RNF150: variants seen among roughly 807,000 people sequenced by gnomAD.
RNF150 encodes ring finger protein 150.
A neutral mutation model predicts 39.3 loss-of-function variants in RNF150; 24 were observed. The ratio of observed to expected loss-of-function variants is 0.61; its 90% CI spans 0.44 to 0.86. RNF150 has a LOEUF of 0.86. Ranked by LOEUF, RNF150 falls within the 40% of genes least tolerant of loss-of-function variation. The pLI, the probability that RNF150 is intolerant of heterozygous loss-of-function variation, is 0.00. For missense variants in RNF150, 502 were observed against 587.8 expected, an observed-to-expected ratio of 0.85 and a Z score of 1.51; for synonymous variants, 255 against 227.3, an observed-to-expected ratio of 1.12 and a Z score of -1.10.
chr4:141,012,477 AATAC>A (rs1735107567), intron 1 of RNF150, among the ~76,000 whole-genome samples: 1 of 152,178 alleles, frequency 6.6e-6, no homozygotes, highest in Non-Finnish European at 1.5e-5. Context: ...AAAAATGGAG[AATAC>A]ATAAACACAT....
At chr4:141,066,038 T>C (rs1052478801) in intron 1 of RNF150, among the ~76,000 whole-genome samples, 1 of 152,060 alleles carries the variant, frequency 6.6e-6, no homozygotes, top group Non-Finnish European at 1.5e-5. Context: ...GGACCTTTCA[T>C]TCTACTTGTC....
At chr4:141,135,609 C>A (rs923160259), upstream of RNF150, among the ~76,000 whole-genome samples, 1 of 152,156 alleles carries the variant, frequency 6.6e-6, no homozygotes, top group Admixed American at 6.5e-5. Context: ...TAGGGAGGAA[C>A]AGCTCTTCCT....
rs539871322 is a variant in RNF150 at position 141,166,232 on chromosome 4, C to T, written c.-6+46562G>A. 3.3e-5 allele frequency among the ~76,000 whole-genome samples: 5 copies of T among 152,246 alleles called. No individual in the cohort carries two copies. In the South Asian group the frequency reaches 6.2e-4, roughly 19 times the overall value. On this transcript the variant is annotated intron_variant, in intron 1 of 7. Transcript: ENST00000420921. ...GGATAAATTCCTGGCCACATACACC[C>T]TCTCAAGACTAAACCAGGGAGAAGT...
chr4:140,992,932 G>A (rs943866815), intron 1 of RNF150, among the ~76,000 whole-genome samples: 3 of 152,160 alleles, frequency 2.0e-5, no homozygotes, highest in Middle Eastern at 6.8e-3. Flanking sequence ...GGAGGCACCC[G>A]AGAGCAGAGC....
intron 1 of RNF150, among the ~76,000 whole-genome samples, chr4:141,005,967 G>T (rs1734852171): frequency 6.9e-6 from 1 of 145,254 alleles, no homozygotes; most frequent in African/African-American, 2.6e-5. Flanking sequence ...TACTTGGGAG[G>T]CTGAGGCAGG....
At chr4:140,883,429 G>A (rs551464195) in intron 6 of RNF150, among the ~76,000 whole-genome samples, 3 of 152,246 alleles carry the variant, frequency 2.0e-5, no homozygotes, top group South Asian at 4.1e-4. Context: ...TCAACTTAAA[G>A]AACTCACTTT....
At chr4:141,045,874 C>T (rs1736556063) in intron 1 of RNF150, among the ~76,000 whole-genome samples, 1 of 152,158 alleles carries the variant, frequency 6.6e-6, no homozygotes, top group Non-Finnish European at 1.5e-5. Context: ...TTATTCTAAA[C>T]ACTTTTAGAC....
At chr4:141,154,469 A>T (rs28461635) in intron 1 of RNF150, among the ~76,000 whole-genome samples, 2,666 of 152,260 alleles carry the variant, frequency 0.018, 71 homozygotes, top group African/African-American at 0.059. Flanking sequence ...TAATGACTCT[A>T]TTTGGATCAG....
At chr4:141,142,812 CTT>C (rs999337687) in intron 1 of RNF150, among the ~76,000 whole-genome samples, 1 of 151,618 alleles carries the variant, frequency 6.6e-6, no homozygotes, top group Non-Finnish European at 1.5e-5. Context: ...GCTGTGGTCT[CTT>C]ATCTTCATTT....
chr4:141,164,360 A>AC lies in RNF150; in HGVS notation c.-6+48433dup, dbSNP rs1326488033. ...TATGGAAAGTGACAGTCAGAATAGA[A>AC]CCAAATTAGAAAACACTCATCAGGA... On this transcript the variant is annotated intron_variant, in intron 1 of 7. Transcript: ENST00000420921. Among the ~76,000 whole-genome samples the AC allele has an allele frequency of 2.7e-3, 404 of 152,296 alleles. 1 individual carries two copies. The highest frequency in any genetic ancestry group is 9.2e-3 in the African/African-American group (382 of 41,570).
intron 1 of RNF150, among the ~76,000 whole-genome samples, chr4:141,006,723 C>A (rs1245298487): frequency 6.6e-6 from 1 of 152,214 alleles, no homozygotes; most frequent in Non-Finnish European, 1.5e-5. Context: ...ACTTAAATAG[C>A]ATGTTCTCCC....
intron 4 of RNF150, among the ~76,000 whole-genome samples, chr4:140,928,308 G>C (rs1033229100): frequency 2.6e-5 from 4 of 152,054 alleles, no homozygotes; most frequent in African/African-American, 9.7e-5. Flanking sequence ...GGTGTTCAGG[G>C]AAGGGCTCCC....
At chr4:141,115,960 C>T (rs1175035248) in intron 1 of RNF150, among the ~76,000 whole-genome samples, 2 of 152,084 alleles carry the variant, frequency 1.3e-5, no homozygotes, top group Non-Finnish European at 2.9e-5. Flanking sequence ...TGAAACTGGA[C>T]CCCTTCCTTA....
rs186466526 is a variant in RNF150, at chr4:140,904,871, C to T, written c.1198+6273G>A. Among the ~76,000 whole-genome samples, 23 of 152,254 alleles carry T rather than the reference C, an allele frequency of 1.5e-4. No homozygotes were observed. In the East Asian group the frequency reaches 4.2e-3, roughly 28 times the overall value. ...GTTCTAAATGCTTCATCAATTGCTC[C>T]CTCAATAAACCTCCAACTTAAAAAA... On this transcript the variant is annotated intron_variant, in intron 6 of 6. Coordinates refer to ENST00000515673, the MANE Select transcript of RNF150 (RefSeq NM_020724.2).
intron 1 of RNF150, among the ~76,000 whole-genome samples, chr4:140,991,942 CA>C (rs1411422952): frequency 6.6e-6 from 1 of 151,980 alleles, no homozygotes; most frequent in Non-Finnish European, 1.5e-5. Flanking sequence ...TAAAATAATA[CA>C]AAATGTCTTC....
chr4:141,168,282 A>T (rs1249081655), intron 1 of RNF150, among the ~76,000 whole-genome samples: 1 of 152,204 alleles, frequency 6.6e-6, no homozygotes, highest in East Asian at 1.9e-4. Context: ...GATCATTAAA[A>T]AGTCAGAAAA....
intron 1 of RNF150, among the ~76,000 whole-genome samples, chr4:140,983,277 A>T (rs568754356): frequency 6.2e-4 from 94 of 152,138 alleles, no homozygotes; most frequent in Non-Finnish European, 1.2e-3. Flanking sequence ...ACAGAACTTC[A>T]AGAATTTATC....
intron 1 of RNF150, among the ~76,000 whole-genome samples, chr4:141,123,002 C>G (rs1018335196): frequency 1.3e-5 from 2 of 152,056 alleles, no homozygotes; most frequent in South Asian, 4.1e-4. Flanking sequence ...CCCCTTAGAC[C>G]AAGAACAGAA....
At chr4:140,962,623 A>G (rs543850452) in intron 2 of RNF150, among the ~76,000 whole-genome samples, 32 of 152,074 alleles carry the variant, frequency 2.1e-4, no homozygotes, top group South Asian at 4.1e-4. Flanking sequence ...ATATTTAATG[A>G]AAGTGGCAAA....
Sources: allele counts gnomAD v4.1 joint callset (sites outside exome capture counted in the v4.1 genomes callset), GRCh38; gene constraint gnomAD v4.1.1; transcripts MANE v1.5; gene names NCBI Gene and HGNC (gene_info 2026-07-23, HGNC 2026-07-21).